The following SAMD5 variants were observed in gnomAD, a reference collection of about 807,000 sequenced individuals.
SAMD5 encodes the protein sterile alpha motif domain-containing protein 5.
SAMD5 carries 13 observed loss-of-function variants against 11.3 expected under a neutral mutation model. The observed-to-expected ratio is 1.15, with a 90% CI of 0.75 to 1.83. The LOEUF (loss-of-function observed/expected upper bound fraction) is 1.83. Ranked by LOEUF, SAMD5 falls within the 40% of genes most tolerant of loss-of-function variation. The probability of loss-of-function intolerance (pLI) is 0.00; values close to 1 mark genes in which losing one functional copy is unlikely to be tolerated. For synonymous variants in SAMD5, 129 were observed against 111.3 expected (o/e 1.16, Z -1.00); for missense variants, 255 against 239.1 (o/e 1.07, Z -0.44).
At chr6:147,526,259 T>C (rs1788337615) in intron 1 of SAMD5, among the ~76,000 whole-genome samples, 1 of 152,244 alleles carries the variant, frequency 6.6e-6, no homozygotes, top group Non-Finnish European at 1.5e-5. Context: ...TATTACGTGA[T>C]TATTAATTAA....
chr6:147,933,023 C>A, the SAMD5 span, among the ~76,000 whole-genome samples: 1 of 152,158 alleles, frequency 6.6e-6, no homozygotes, highest in Non-Finnish European at 1.5e-5. Flanking sequence ...TGATAATAGC[C>A]TTTCTGTTTA....
At chr6:147,623,665 T>G (rs973477241) in intron 1 of SAMD5, among the ~76,000 whole-genome samples, 5 of 152,172 alleles carry the variant, frequency 3.3e-5, no homozygotes, top group Admixed American at 6.5e-5. Flanking sequence ...GAAAAATAAG[T>G]TTTTGCTCAT....
intron 1 of SAMD5, among the ~76,000 whole-genome samples, chr6:147,656,726 G>C (rs538335942): frequency 6.6e-6 from 1 of 152,260 alleles, no homozygotes; most frequent in South Asian, 2.1e-4. Context: ...TGTTGGAGAG[G>C]ATGTAAGGAA....
chr6:147,768,939 G>A, the SAMD5 span, among the ~76,000 whole-genome samples: 5 of 152,142 alleles, frequency 3.3e-5, no homozygotes, highest in Non-Finnish European at 7.4e-5. Flanking sequence ...GACTACAGGT[G>A]CGTGCCACCA....
Position 147,508,964 on chromosome 6 carries a change from G to A in SAMD5, c.36G>A (p.Ala12=), listed in dbSNP as rs745370093. 1.9e-6 allele frequency: 3 copies of A among 1,601,802 alleles called. No homozygotes were observed. The highest frequency in any genetic ancestry group is 2.3e-5 in the East Asian group (1 of 43,580). The part of the protein sequence containing the change: ...CTNIVYEWLK[A]LQLPQYAESF... Reference sequence around the variant, plus strand: ...ACATAGTTTACGAGTGGCTCAAAGCGCTGCAGCTTCCGCAGTACGCGGAGT... The same window carrying A: ...ACATAGTTTACGAGTGGCTCAAAGCACTGCAGCTTCCGCAGTACGCGGAGT... The change falls in exon 1 of 2, where the codon GCG becomes GCA. Residue 12 remains alanine, a synonymous_variant. Coordinates refer to ENST00000367474, the MANE Select transcript of SAMD5 (RefSeq NM_001030060.3).
the SAMD5 span, among the ~76,000 whole-genome samples, chr6:147,927,794 T>C: frequency 6.6e-6 from 1 of 152,096 alleles, no homozygotes; most frequent in African/African-American, 2.4e-5. Context: ...ATGATGTTGG[T>C]GGTAGGTCTG....
At chr6:147,588,576 T>C (rs950554290) in intron 1 of SAMD5, among the ~76,000 whole-genome samples, 1 of 152,060 alleles carries the variant, frequency 6.6e-6, no homozygotes. Flanking sequence ...TCTGCCTGCC[T>C]CAGCCTCCCA....
At position 147,509,385 on chromosome 6, in the gene SAMD5, A is replaced by G. The variant is rs763594122; in HGVS notation, c.457A>G (p.Lys153Glu). The stretch of plus-strand genomic sequence containing the variant: ...CCTGAGCAAGCCCCCGTACTCCCGC[A>G]AGGTAAGGAGGTGCCGTCCGGGCGG... ...IHLSKPPYSR[K>E]VPMAGILEYL... The change falls in exon 1 of 2, where the codon AAG (lysine) becomes GAG (glutamate). Residue 153 changes from lysine to glutamate, a missense_variant and splice_region_variant. Lys to Glu is a moderately conservative substitution (Grantham distance 56, BLOSUM62 1). Transcript: ENST00000367474. The G allele has an allele frequency of 5.5e-5, 85 of 1,538,470 alleles. No individual in the cohort carries two copies. The highest frequency in any genetic ancestry group is 5.9e-5 in the Non-Finnish European group (68 of 1,143,654).
chr6:147,511,724 A>G (rs570382834), intron 1 of SAMD5, among the ~76,000 whole-genome samples: 2 of 152,246 alleles, frequency 1.3e-5, no homozygotes, highest in South Asian at 4.1e-4. Flanking sequence ...TAATATACAT[A>G]TATAGCAAAC....
At chr6:147,954,192 C>G in the SAMD5 span, among the ~76,000 whole-genome samples, 19,012 of 152,128 alleles carry the variant, frequency 0.12, 1,564 homozygotes, top group East Asian at 0.36. Flanking sequence ...ATTTTATCAC[C>G]TTCGTGTTTT....
At chr6:147,954,330 A>C in the SAMD5 span, among the ~76,000 whole-genome samples, 1 of 152,226 alleles carries the variant, frequency 6.6e-6, no homozygotes, top group East Asian at 1.9e-4. Flanking sequence ...AGATAACGTC[A>C]TGGGGTGCAC....
At chr6:147,691,462 A>G (rs914157215) in intron 1 of SAMD5, among the ~76,000 whole-genome samples, 2 of 152,174 alleles carry the variant, frequency 1.3e-5, no homozygotes, top group Non-Finnish European at 2.9e-5. Flanking sequence ...TTTTTCAACT[A>G]TGACTTTCAG....
In SAMD5 at chr6:147,659,226, A is replaced by G. The variant is rs551353875; in HGVS notation, c.163-78091A>G. On this transcript the variant is annotated intron_variant, in intron 1 of 1. Transcript: ENST00000566741. Reference sequence around the variant, plus strand: ...GGGGAAATGAGTTTCCTAATCAAGTAAAATTGGGAAACAGGGCATGTTCTC... The same window carrying G: ...GGGGAAATGAGTTTCCTAATCAAGTGAAATTGGGAAACAGGGCATGTTCTC... Among the ~76,000 whole-genome samples the G allele has an allele frequency of 1.3e-4, 20 of 151,782 alleles. 1 individual carries two copies. Among genetic ancestry groups the G allele is most frequent in the African/African-American group, 4.6e-4 (19 of 41,290 alleles).
At chr6:147,893,409 C>T in the SAMD5 span, among the ~76,000 whole-genome samples, 2 of 152,114 alleles carry the variant, frequency 1.3e-5, no homozygotes, top group African/African-American at 4.8e-5. Context: ...GTCTTAAGCA[C>T]TCTGCATTCC....
Position 147,509,405 on chromosome 6 carries a change from G to T in SAMD5, c.459+18G>T, listed in dbSNP as rs1192612067. 12 of 1,499,222 alleles carry T rather than the reference G, an allele frequency of 8.0e-6. No homozygotes were observed. Among genetic ancestry groups the T allele is most frequent in the Admixed American group, 2.3e-5 (1 of 43,548 alleles). The allele number at this position is 1,499,222 out of a possible 1,614,324, so 92.9% of individuals were successfully genotyped here. A position where few individuals can be genotyped will look rare whatever the true frequency, so the allele number is the denominator to read the frequency against. On this transcript the variant is annotated intron_variant, in intron 1 of 1. Transcript: ENST00000367474. ...CCCGCAAGGTAAGGAGGTGCCGTCC[G>T]GGCGGCCCGGGGCGCGCGGCGGGAG...
chr6:147,852,644 G>A, the SAMD5 span, among the ~76,000 whole-genome samples: 9 of 152,060 alleles, frequency 5.9e-5, no homozygotes, highest in South Asian at 6.2e-4. Context: ...AAAAATACCC[G>A]CAAAGAACTG....
chr6:147,614,500 G>T (rs1789836911), intron 1 of SAMD5, among the ~76,000 whole-genome samples: 1 of 151,556 alleles, frequency 6.6e-6, no homozygotes, highest in South Asian at 2.1e-4. Context: ...ATAAAAACCA[G>T]CAAATGATTG....
At chr6:147,672,306 G>T (rs1322619390) in intron 1 of SAMD5, among the ~76,000 whole-genome samples, 1 of 152,070 alleles carries the variant, frequency 6.6e-6, no homozygotes, top group African/African-American at 2.4e-5. Flanking sequence ...TTTAGCATAT[G>T]TTCAGTGGAT....
At chr6:147,661,925 G>A (rs141054516) in intron 1 of SAMD5, among the ~76,000 whole-genome samples, 7 of 152,296 alleles carry the variant, frequency 4.6e-5, no homozygotes, top group African/African-American at 1.7e-4. Flanking sequence ...CACCACGCCC[G>A]GCGCGACTAA....
Sources: allele counts gnomAD v4.1 joint callset (sites outside exome capture counted in the v4.1 genomes callset), GRCh38; gene constraint gnomAD v4.1.1; transcripts MANE v1.5; gene names NCBI Gene and HGNC (gene_info 2026-07-23, HGNC 2026-07-21).